ATP10B: variants seen among roughly 807,000 people sequenced by gnomAD.
ATP10B encodes the protein phospholipid-transporting ATPase VB.
Under a neutral mutation model 141.2 loss-of-function variants are expected in ATP10B, and 122 were observed. The ratio of observed to expected loss-of-function variants is 0.86; its 90% CI spans 0.75 to 1.00. The LOEUF (loss-of-function observed/expected upper bound fraction) is 1.00. Among genes scored for constraint, ATP10B ranks in the 50% least tolerant of loss-of-function variants. The probability of loss-of-function intolerance (pLI) is 0.00; values close to 1 mark genes in which losing one functional copy is unlikely to be tolerated. For synonymous variants in ATP10B, 685 were observed against 692.0 expected (o/e 0.99, Z 0.16); for missense variants, 1,876 against 1,825.3 (o/e 1.03, Z -0.51).
chr5:160,797,746 AAC>A (rs33964407), intron 1 of ATP10B, among the ~76,000 whole-genome samples: 66,744 of 151,676 alleles, frequency 0.44, 14,769 homozygotes, highest in East Asian at 0.6. Flanking sequence ...CACAAACACA[AAC>A]ACACAGAGAG....
intron 6 of ATP10B, among the ~76,000 whole-genome samples, chr5:160,671,087 C>A (rs759987025): frequency 2.0e-5 from 3 of 148,046 alleles, no homozygotes; most frequent in Non-Finnish European, 4.4e-5. Context: ...AACGCTTGAA[C>A]CTGGGAGGCG....
intron 16 of ATP10B, among the ~76,000 whole-genome samples, chr5:160,616,923 T>A (rs1374060110): frequency 6.6e-6 from 1 of 152,170 alleles, no homozygotes; most frequent in Non-Finnish European, 1.5e-5. Context: ...TTTTAGTTAA[T>A]CTCCATGACA....
the ATP10B span, among the ~76,000 whole-genome samples, chr5:160,871,721 A>G: frequency 6.6e-6 from 1 of 152,156 alleles, no homozygotes; most frequent in Non-Finnish European, 1.5e-5. Flanking sequence ...ATGACTGTGT[A>G]GTATTCCATC....
intron 12 of ATP10B, chr5:160,633,355 A>G (rs1002413791): frequency 1.3e-5 from 2 of 152,272 alleles, no homozygotes; most frequent in African/African-American, 2.4e-5. Context: ...TGTGGCACAT[A>G]TACACCATGG....
At chr5:160,571,441 T>C (rs1313183086) in intron 24 of ATP10B, among the ~76,000 whole-genome samples, 1 of 152,238 alleles carries the variant, frequency 6.6e-6, no homozygotes. Context: ...TCCCTGCAGA[T>C]ATTTTAAAGC....
intron 1 of ATP10B, among the ~76,000 whole-genome samples, chr5:160,834,861 C>T (rs951734574): frequency 3.3e-5 from 5 of 152,076 alleles, no homozygotes; most frequent in Non-Finnish European, 7.4e-5. Context: ...TTCAATTCTC[C>T]TTAAGGTGCT....
chr5:160,620,562 T>A lies in ATP10B; in HGVS notation c.2201A>T (p.Tyr734Phe), dbSNP rs1321741566. ...EAALVHAAHA[Y>F]SFTLVSRTPE... is the part of the protein sequence containing the mutation. ...TGTCCGGGACACTAGTGTGAAGCTGTAGGCATGGGCAGCGTGCACCAGGGC... is the reference window on the plus strand; with the variant it reads ...TGTCCGGGACACTAGTGTGAAGCTGAAGGCATGGGCAGCGTGCACCAGGGC... Residue 734 changes from tyrosine to phenylalanine, a missense_variant, in exon 15 of 26, where the codon TAC (tyrosine) becomes TTC (phenylalanine). Coordinates refer to ENST00000327245, the MANE Select transcript of ATP10B (RefSeq NM_025153.3). 1.2e-6 allele frequency: 2 copies of A among 1,614,058 alleles called. No homozygotes were observed. Among genetic ancestry groups the A allele is most frequent in the Non-Finnish European group, 1.7e-6 (2 of 1,179,938 alleles).
At chr5:160,919,067 T>C in the ATP10B span, among the ~76,000 whole-genome samples, 299 of 148,756 alleles carry the variant, frequency 2.0e-3, 4 homozygotes, top group African/African-American at 7.2e-3. Context: ...CTACTAAAAA[T>C]ACAAAAATTA....
chr5:160,827,991 A>G (rs964587357), intron 1 of ATP10B, among the ~76,000 whole-genome samples: 9 of 152,172 alleles, frequency 5.9e-5, no homozygotes, highest in Admixed American at 2.6e-4. Context: ...TGGTTACTGT[A>G]GCCCTGGCTA....
intron 1 of ATP10B, among the ~76,000 whole-genome samples, chr5:160,849,163 A>T (rs1753638679): frequency 6.6e-6 from 1 of 152,164 alleles, no homozygotes; most frequent in Non-Finnish European, 1.5e-5. Flanking sequence ...TAGAGAACAT[A>T]CGGTAGCATG....
chr5:160,652,934 TAC>T (rs1760957543), intron 7 of ATP10B, among the ~76,000 whole-genome samples: 2 of 81,776 alleles, frequency 2.4e-5, no homozygotes, highest in South Asian at 3.4e-4. Context: ...ATATTATATA[TAC>T]ATGTATATAT....
intron 6 of ATP10B, among the ~76,000 whole-genome samples, chr5:160,673,986 C>T (rs1762881032): frequency 6.6e-6 from 1 of 152,148 alleles, no homozygotes; most frequent in African/African-American, 2.4e-5. Flanking sequence ...AAGAATGTAT[C>T]ACTCATTCTG....
At chr5:160,919,464 T>C in the ATP10B span, among the ~76,000 whole-genome samples, 2 of 151,972 alleles carry the variant, frequency 1.3e-5, no homozygotes, top group Non-Finnish European at 1.5e-5. Context: ...CAAATGGGAT[T>C]TGGGGAGATG....
intron 2 of ATP10B, among the ~76,000 whole-genome samples, chr5:160,770,814 G>A (rs1442182337): frequency 6.6e-5 from 10 of 152,170 alleles, no homozygotes; most frequent in African/African-American, 2.4e-4. Context: ...GATCTAAATA[G>A]TATTAAGTAA....
intron 24 of ATP10B, among the ~76,000 whole-genome samples, chr5:160,575,053 G>C (rs936949636): frequency 6.6e-6 from 1 of 152,042 alleles, no homozygotes; most frequent in African/African-American, 2.4e-5. Flanking sequence ...ATATAATAGA[G>C]ATTAACTGTT....
At chr5:160,848,146 C>A (rs116808918) in intron 1 of ATP10B, among the ~76,000 whole-genome samples, 315 of 152,250 alleles carry the variant, frequency 2.1e-3, no homozygotes, top group African/African-American at 7.4e-3. Flanking sequence ...CTGGAAGGAA[C>A]CTTTCAGATC....
At chr5:160,874,365 A>G in the ATP10B span, among the ~76,000 whole-genome samples, 1 of 152,178 alleles carries the variant, frequency 6.6e-6, no homozygotes, top group Non-Finnish European at 1.5e-5. Context: ...AAGGACATCC[A>G]CACCAAAAAC....
chr5:160,580,137 T>C (rs1256058303), intron 24 of ATP10B, among the ~76,000 whole-genome samples: 1 of 152,226 alleles, frequency 6.6e-6, no homozygotes, highest in African/African-American at 2.4e-5. Context: ...CTTCTCCTAT[T>C]TGAATACCCT....
intron 17 of ATP10B, chr5:160,614,667 C>G (rs1757901952): frequency 1.3e-5 from 2 of 152,358 alleles, no homozygotes; most frequent in South Asian, 4.1e-4. Context: ...CTAATGCATG[C>G]CCCAACCCCA....
Sources: gnomAD v4.1 joint callset for allele counts (sites outside exome capture counted in the v4.1 genomes callset) on GRCh38, gnomAD v4.1.1 for gene constraint, MANE v1.5 for transcripts, NCBI Gene and HGNC (gene_info 2026-07-23, HGNC 2026-07-21) for gene names.